Variants in CERS6 observed in about 807,000 individuals in gnomAD.
CERS6 encodes the protein ceramide synthase 6.
A neutral mutation model predicts 56.8 loss-of-function variants in CERS6; 26 were observed. The observed-to-expected ratio is 0.46, with a 90% confidence interval of 0.34 to 0.63. The LOEUF (loss-of-function observed/expected upper bound fraction) is 0.63, where lower values mean the gene tolerates loss of function less well. Ranked by LOEUF, CERS6 falls within the 30% of genes least tolerant of loss-of-function variation. The pLI, the probability that CERS6 is intolerant of heterozygous loss-of-function variation, is 0.01. For missense variants in CERS6, 415 were observed against 467.5 expected (o/e 0.89, Z 1.04); for synonymous variants, 164 against 173.3 (o/e 0.95, Z 0.42).
chr2:168,547,048 T>C (rs1426922753), intron 1 of CERS6, among the ~76,000 whole-genome samples: 1 of 152,206 alleles, frequency 6.6e-6, no homozygotes, highest in East Asian at 1.9e-4. Context: ...CATTACTCTT[T>C]ATGAGAAACA....
At chr2:168,718,083 A>T in intron 8 of CERS6, 105 bp downstream of exon 8, 1 of 740,682 alleles carries the variant, frequency 1.4e-6, no homozygotes, top group Non-Finnish European at 2.2e-6. Context: ...GTTTAAATAT[A>T]TTGGGGGGGA....
At chr2:168,556,686 C>A (rs1335780970) in intron 2 of CERS6, among the ~76,000 whole-genome samples, 1 of 151,986 alleles carries the variant, frequency 6.6e-6, no homozygotes, top group Non-Finnish European at 1.5e-5. Context: ...AAAAAGAATA[C>A]TAAAAATTTA....
chr2:168,468,770 T>G (rs1363768625), intron 1 of CERS6, among the ~76,000 whole-genome samples: 1 of 152,218 alleles, frequency 6.6e-6, no homozygotes, highest in Non-Finnish European at 1.5e-5. Flanking sequence ...ACTTTCCCTA[T>G]TCTCTTTTCC....
At chr2:168,589,143 A>G (rs1683614732) in intron 3 of CERS6, among the ~76,000 whole-genome samples, 1 of 152,188 alleles carries the variant, frequency 6.6e-6, no homozygotes, top group African/African-American at 2.4e-5. Flanking sequence ...AAGCTGCACC[A>G]TTTTGCATTC....
rs535953390 is a variant in CERS6 at position 168,773,739 on chromosome 2, G to T, written c.*4077G>T. 6.6e-6 allele frequency: 1 copy of T among 152,350 alleles called. No individual in the cohort carries two copies. The highest frequency in any genetic ancestry group is 2.1e-4 in the South Asian group (1 of 4,826). 9.4% of individuals were successfully genotyped at this position (152,350 alleles called of 1,614,324 possible). On this transcript the variant is annotated 3_prime_UTR_variant, in exon 10 of 10. Coordinates refer to ENST00000305747, the MANE Select transcript of CERS6 (RefSeq NM_203463.3). ...CAGTGAAGGTTTCTTTTGGTAAAATGAAATTGTGCCATTGTCAAAGTACCC... is the reference window on the plus strand; with the variant it reads ...CAGTGAAGGTTTCTTTTGGTAAAATTAAATTGTGCCATTGTCAAAGTACCC...
At chr2:168,645,142 T>TAGAG (rs35865470) in intron 4 of CERS6, among the ~76,000 whole-genome samples, 305 of 12,722 alleles carry the variant, frequency 0.024, 19 homozygotes, top group South Asian at 0.034. Context: ...TATATATATA[T>TAGAG]AGAGAGAGAG....
chr2:168,483,540 C>G (rs562464427), intron 1 of CERS6, among the ~76,000 whole-genome samples: 39 of 152,134 alleles, frequency 2.6e-4, no homozygotes, highest in Non-Finnish European at 5.0e-4. Context: ...TGTCTTTTTC[C>G]TGACTTAAAG....
intron 4 of CERS6, 132 bp from the exon 5 acceptor site, chr2:168,690,902 A>T: frequency 1.4e-6 from 1 of 731,718 alleles, no homozygotes; most frequent in Non-Finnish European, 2.3e-6. Context: ...TAGCTGTTTT[A>T]AAGTTTGTCA....
At chr2:168,719,046 T>A (rs1687296450) in intron 8 of CERS6, among the ~76,000 whole-genome samples, 1 of 152,200 alleles carries the variant, frequency 6.6e-6, no homozygotes, top group Non-Finnish European at 1.5e-5. Context: ...TTTTCCATAT[T>A]GTTTAGGTGT....
chr2:168,668,444 C>CTTTTTTT (rs71397660), intron 4 of CERS6, among the ~76,000 whole-genome samples: 1 of 132,320 alleles, frequency 7.6e-6, no homozygotes, highest in Non-Finnish European at 1.6e-5. Context: ...CCAACTCTAT[C>CTTTTTTT]TTTTTTTTTT....
chr2:168,600,577 C>T (rs1228022916), intron 3 of CERS6, among the ~76,000 whole-genome samples: 1 of 152,156 alleles, frequency 6.6e-6, no homozygotes. Flanking sequence ...TTTCATATAT[C>T]CCCTTAACCT....
intron 3 of CERS6, among the ~76,000 whole-genome samples, chr2:168,622,365 G>A (rs918750076): frequency 3.3e-5 from 5 of 152,220 alleles, no homozygotes; most frequent in African/African-American, 1.2e-4. Flanking sequence ...TGCAGGCTGT[G>A]GTTTGGACCA....
At chr2:168,725,687 A>C (rs1379619218) in intron 8 of CERS6, among the ~76,000 whole-genome samples, 1 of 152,244 alleles carries the variant, frequency 6.6e-6, no homozygotes, top group African/African-American at 2.4e-5. Flanking sequence ...CAGTATTCAA[A>C]AGCTTCAATG....
At chr2:168,715,177 A>C in intron 7 of CERS6, 48 bp downstream of exon 7, 1 of 1,568,058 alleles carries the variant, frequency 6.4e-7, no homozygotes, top group Non-Finnish European at 8.7e-7. Context: ...AAAATTTAGG[A>C]AGTCCCCAAT....
At chr2:168,534,818 A>T (rs1334913448) in intron 1 of CERS6, among the ~76,000 whole-genome samples, 2 of 152,274 alleles carry the variant, frequency 1.3e-5, no homozygotes, top group African/African-American at 4.8e-5. Flanking sequence ...ATTCCTCAGA[A>T]CTACCAGGAG....
chr2:168,607,381 TTTTG>T (rs1398215609), intron 3 of CERS6, among the ~76,000 whole-genome samples: 5 of 152,148 alleles, frequency 3.3e-5, no homozygotes, highest in African/African-American at 4.8e-5. Flanking sequence ...TATATCTTTT[TTTTG>T]TTTGTTTATT....
chr2:168,483,330 G>A (rs895336699), intron 1 of CERS6, among the ~76,000 whole-genome samples: 4 of 151,702 alleles, frequency 2.6e-5, no homozygotes, highest in Non-Finnish European at 5.9e-5. Flanking sequence ...TTGGAGTGTA[G>A]AGTGGAAGCT....
chr2:168,717,227 G>T (rs1268447049), intron 7 of CERS6, among the ~76,000 whole-genome samples: 1 of 152,144 alleles, frequency 6.6e-6, no homozygotes, highest in Non-Finnish European at 1.5e-5. Flanking sequence ...ATCTAAAAAT[G>T]ACCCATTCAT....
In CERS6 at chr2:168,456,335, A is replaced by G. The variant is rs765858565; in HGVS notation, c.-114A>G. ...GGAGGCGGCGGCGGCGGGCGGGAGC[A>G]GCGGCGGCGGCGGCACAGGCTCGGG... On this transcript the variant is annotated 5_prime_UTR_variant, in exon 1 of 10. Coordinates refer to ENST00000305747, the MANE Select transcript of CERS6 (RefSeq NM_203463.3). The surrounding 1 kb of genome is among the most constrained non-coding windows in gnomAD (Gnocchi z 4.1). The G allele has an allele frequency of 3.0e-3, 1,783 of 595,270 alleles. 8 individuals carry two copies. Among genetic ancestry groups the G allele is most frequent in the Non-Finnish European group, 3.8e-3 (1,668 of 434,444 alleles). The allele number at this position is 595,270 out of a possible 1,614,324, so 36.9% of individuals were successfully genotyped here.
Sources: gnomAD v4.1 joint callset for allele counts (sites outside exome capture counted in the v4.1 genomes callset) on GRCh38, gnomAD v4.1.1 for gene constraint, Gnocchi (gnomAD v3.1) non-coding constraint, MANE v1.5 for transcripts, NCBI Gene and HGNC (gene_info 2026-07-23, HGNC 2026-07-21) for gene names.